The following TYW1 variants were observed in gnomAD, a reference collection of about 807,000 sequenced individuals.
The protein encoded by TYW1 is S-adenosyl-L-methionine-dependent tRNA 4-demethylwyosine synthase TYW1.
TYW1 carries 46 observed loss-of-function variants against 96.2 expected under a neutral mutation model. That is an observed-to-expected ratio of 0.48 (90% CI 0.38 to 0.61). The LOEUF (loss-of-function observed/expected upper bound fraction) is 0.61. TYW1 is among the 20% of genes least tolerant of loss of function. The pLI, the probability that TYW1 is intolerant of heterozygous loss-of-function variation, is 0.00. For synonymous variants in TYW1, 274 were observed against 323.0 expected, an observed-to-expected ratio of 0.85 and a Z score of 1.63; for missense variants, 684 against 909.6, an observed-to-expected ratio of 0.75 and a Z score of 3.19.
chr7:67,089,197 C>G (rs1338697557), intron 11 of TYW1: 6 of 814,630 alleles, frequency 7.4e-6, no homozygotes, highest in Non-Finnish European at 1.1e-5. Context: ...CACCCCTTTC[C>G]CCCTTATATA....
At chr7:67,226,736 A>C (rs1801570632) in intron 15 of TYW1, among the ~76,000 whole-genome samples, 1 of 152,192 alleles carries the variant, frequency 6.6e-6, no homozygotes, top group African/African-American at 2.4e-5. Context: ...GCAGTGGGCA[A>C]GGTGAACCCA....
intron 15 of TYW1, among the ~76,000 whole-genome samples, chr7:67,224,223 G>A: frequency 6.6e-6 from 1 of 152,310 alleles, no homozygotes; most frequent in South Asian, 2.1e-4. Context: ...CGCCTCCCGG[G>A]TTCAAGTGAT....
intron 7 of TYW1, among the ~76,000 whole-genome samples, chr7:67,044,033 C>T (rs1795108430): frequency 6.6e-6 from 1 of 151,164 alleles, no homozygotes. Flanking sequence ...TACTGTGATT[C>T]CTTTTCAGTG....
At chr7:67,211,571 T>C (rs1801026308) in intron 15 of TYW1, among the ~76,000 whole-genome samples, 1 of 152,208 alleles carries the variant, frequency 6.6e-6, no homozygotes, top group African/African-American at 2.4e-5. Context: ...AATACATGTG[T>C]GTATCCACAT....
chr7:67,034,166 C>G (rs548373183), intron 7 of TYW1, among the ~76,000 whole-genome samples: 1 of 148,832 alleles, frequency 6.7e-6, no homozygotes, highest in African/African-American at 2.5e-5. Flanking sequence ...TGCAGTGATG[C>G]GATCTCAGCT....
chr7:67,218,062 T>C (rs1310944210), intron 15 of TYW1, among the ~76,000 whole-genome samples: 1 of 151,670 alleles, frequency 6.6e-6, no homozygotes, highest in African/African-American at 2.4e-5. Flanking sequence ...TTTCACCATG[T>C]TGGCCAGGCT....
chr7:67,228,555 T>C (rs992146809), intron 15 of TYW1, among the ~76,000 whole-genome samples: 41 of 152,204 alleles, frequency 2.7e-4, no homozygotes, highest in Non-Finnish European at 5.9e-5. Flanking sequence ...GTTCTGACCA[T>C]TTGCTTTTTA....
At position 67,112,487 on chromosome 7, in the gene TYW1, G is replaced by A. The variant is rs1473410512; in HGVS notation, c.1563-4996G>A. 4.6e-5 allele frequency among the ~76,000 whole-genome samples: 7 copies of A among 151,872 alleles called. No homozygotes were observed. The East Asian group carries it at 7.7e-4, about 17-fold the overall frequency. On this transcript the variant is annotated intron_variant, in intron 12 of 15. Coordinates refer to ENST00000359626, the MANE Select transcript of TYW1 (RefSeq NM_018264.4). Reference sequence around the variant, plus strand: ...AAAAATTAGGCAGGTGTGGTGGTGCGTGCCTGTAGAACCAGCTACTTGGGA... The same window carrying A: ...AAAAATTAGGCAGGTGTGGTGGTGCATGCCTGTAGAACCAGCTACTTGGGA...
At chr7:67,114,986 A>C (rs1797548344) in intron 12 of TYW1, among the ~76,000 whole-genome samples, 1 of 151,920 alleles carries the variant, frequency 6.6e-6, no homozygotes, top group Admixed American at 6.6e-5. Context: ...GACTTCCTTG[A>C]GTGTAGCATC....
At chr7:67,140,553 G>C (rs1563035942) in intron 13 of TYW1, among the ~76,000 whole-genome samples, 1 of 151,948 alleles carries the variant, frequency 6.6e-6, no homozygotes, top group Non-Finnish European at 1.5e-5. Flanking sequence ...TAAGAAAATA[G>C]AAAAATAAGG....
chr7:67,019,467 G>A lies in TYW1; in HGVS notation c.861+1324G>A, dbSNP rs563531377. The stretch of plus-strand genomic sequence containing the variant: ...CCCGCCTCGGCCTCCCAAAGTGCTG[G>A]GATTACAGGCATGAGCCACCATGCC... On this transcript the variant is annotated intron_variant, in intron 6 of 15. Transcript: ENST00000359626. Among the ~76,000 whole-genome samples the A allele has an allele frequency of 1.7e-4, 26 of 152,342 alleles. 1 individual carries two copies. The highest frequency in any genetic ancestry group is 6.3e-4 in the African/African-American group (26 of 41,576).
At chr7:67,058,954 C>G (rs1003183321) in intron 9 of TYW1, among the ~76,000 whole-genome samples, 9 of 151,854 alleles carry the variant, frequency 5.9e-5, no homozygotes, top group African/African-American at 2.2e-4. Flanking sequence ...GAGGGGCTCT[C>G]TAGAAGAAAA....
rs2129257257 is a variant in TYW1 at position 67,042,705 on chromosome 7, A to C, written c.985-7244A>C. 3.3e-5 allele frequency among the ~76,000 whole-genome samples: 5 copies of C among 151,998 alleles called. No individual in the cohort carries two copies. The South Asian group carries it at 1.0e-3, about 32-fold the overall frequency. On this transcript the variant is annotated intron_variant, in intron 7 of 15. Coordinates refer to ENST00000359626, the MANE Select transcript of TYW1 (RefSeq NM_018264.4). ...GAGGAGAGTTCCAGTGTAGGTTTAA[A>C]ATATTAGGAGGCCGGGTGCAGTGGC...
chr7:67,001,183 C>T (rs1301500561), intron 3 of TYW1, among the ~76,000 whole-genome samples: 2 of 152,056 alleles, frequency 1.3e-5, no homozygotes, highest in Admixed American at 1.3e-4. Flanking sequence ...CTCCAGAAAC[C>T]TTTTAACTAT....
intron 10 of TYW1, among the ~76,000 whole-genome samples, chr7:67,081,930 C>T (rs1796405483): frequency 6.8e-6 from 1 of 148,094 alleles, no homozygotes; most frequent in South Asian, 2.2e-4. Context: ...GTATTTATTT[C>T]ATTCATCGAA....
chr7:67,105,147 C>G (rs1486628524), intron 12 of TYW1, among the ~76,000 whole-genome samples: 1 of 152,236 alleles, frequency 6.6e-6, no homozygotes, highest in Non-Finnish European at 1.5e-5. Flanking sequence ...TTGCTCACTT[C>G]CCATGGACCA....
intron 11 of TYW1, among the ~76,000 whole-genome samples, chr7:67,096,400 C>G (rs1350401190): frequency 6.6e-6 from 1 of 152,010 alleles, no homozygotes; most frequent in Admixed American, 6.6e-5. Context: ...AACAAACAAA[C>G]AAACAAACAA....
rs554490904 is a variant in TYW1, at chr7:67,200,304, G to A, written c.1977+4967G>A. 1.4e-4 allele frequency among the ~76,000 whole-genome samples: 21 copies of A among 152,082 alleles called. No homozygotes were observed. The East Asian group carries it at 4.1e-3, about 29-fold the overall frequency. ...TAAACAATGGTCCCTGTATTTGTCC[G>A]CTTTCACGCTGCTGATAAAGACATA... is the stretch of plus-strand genomic sequence containing the variant. On this transcript the variant is annotated intron_variant, in intron 15 of 15. Transcript: ENST00000359626.
Position 67,098,696 on chromosome 7 carries a change from G to A in TYW1, c.1540G>A (p.Ala514Thr), listed in dbSNP as rs765972006. The A allele has an allele frequency of 1.2e-6, 2 of 1,613,762 alleles. No homozygotes were observed. The highest frequency in any genetic ancestry group is 1.1e-5 in the South Asian group (1 of 91,036). ...CKISSFLVTN[A>T]QFPAEIRNLE... The stretch of plus-strand genomic sequence containing the variant: ...AATTTCCAGCTTCCTGGTCACAAAC[G>A]CACAATTTCCTGCGGAAATCAGGTG... The change falls in exon 12 of 16, where the codon GCA (alanine) becomes ACA (threonine). Residue 514 changes from alanine (A) to threonine (T), a missense_variant. Physicochemically the swap from Ala to Thr is moderately conservative, Grantham distance 58. Coordinates refer to ENST00000359626, the MANE Select transcript of TYW1 (RefSeq NM_018264.4).
Sources: allele counts gnomAD v4.1 joint callset (sites outside exome capture counted in the v4.1 genomes callset), GRCh38; gene constraint gnomAD v4.1.1; transcripts MANE v1.5; gene names NCBI Gene and HGNC (gene_info 2026-07-23, HGNC 2026-07-21).